The following CACNA1A variants were observed in gnomAD, a reference collection of about 807,000 sequenced individuals.
The protein encoded by CACNA1A is calcium voltage-gated channel subunit alpha1 A.
In CACNA1A, 57 loss-of-function variants were observed where a neutral mutation model predicts 262.4. That is an observed-to-expected ratio of 0.22 (90% CI 0.18 to 0.27). The LOEUF is 0.27. Ranked by LOEUF, CACNA1A falls within the 10% of genes least tolerant of loss-of-function variation. The pLI, the probability that CACNA1A is intolerant of heterozygous loss-of-function variation, is 1.00. For missense variants in CACNA1A, 2,526 were observed against 3,562.8 expected (o/e 0.71, Z 7.41); for synonymous variants, 1,431 against 1,419.3 (o/e 1.01, Z -0.18).
intron 3 of CACNA1A, among the ~76,000 whole-genome samples, chr19:13,372,336 CT>C (rs1222618535): frequency 1.3e-5 from 2 of 151,766 alleles, no homozygotes; most frequent in East Asian, 1.9e-4. Context: ...TGCCCGGGTA[CT>C]TTTTTTTGTA....
Position 13,506,153 on chromosome 19 carries a change from G to A in CACNA1A, c.72C>T (p.Val24=), listed in dbSNP as rs773531250. Residue 24 remains valine, a synonymous_variant, in exon 1 of 47, where the codon GTC becomes GTT. Transcript: ENST00000360228. ...CTCCTCGCCCGCCTCCGCTGCCCAC[G>A]ACCACCCCGGCGGCTGCCCCGGAGC... is the stretch of plus-strand genomic sequence containing the variant. ...GGGSGAAAGV[V]VGSGGGRGAG... is the part of the protein sequence containing the mutation. 2 of 1,562,892 alleles carry A rather than the reference G, an allele frequency of 1.3e-6. No homozygotes were observed. The highest frequency in any genetic ancestry group is 1.7e-6 in the Non-Finnish European group (2 of 1,153,868).
chr19:13,479,010 C>G (rs531397337), intron 1 of CACNA1A, among the ~76,000 whole-genome samples: 3 of 152,090 alleles, frequency 2.0e-5, no homozygotes, highest in Non-Finnish European at 4.4e-5. Context: ...CCCATCTGTA[C>G]TAAAAATACA....
At chr19:13,294,861 G>A (rs537441036) in intron 19 of CACNA1A, among the ~76,000 whole-genome samples, 6 of 152,182 alleles carry the variant, frequency 3.9e-5, no homozygotes, top group African/African-American at 1.2e-4. Flanking sequence ...CTAAACTCCC[G>A]TTTTGATCTC....
At position 13,298,591 on chromosome 19, in the gene CACNA1A, C is replaced by T. The variant is rs868354475; in HGVS notation, c.3042G>A (p.Glu1014=). 6.5e-7 allele frequency: 1 copy of T among 1,541,902 alleles called. No homozygotes were observed. The highest frequency in any genetic ancestry group is 8.8e-7 in the Non-Finnish European group (1 of 1,142,464). Residue 1014 remains glutamate, a synonymous_variant, in exon 19 of 47, where the codon GAG becomes GAA. Coordinates refer to ENST00000360228, the MANE Select transcript of CACNA1A (RefSeq NM_001127222.2). ...RHRHGAPATY[E]GDARREDKER... is the part of the protein sequence containing the mutation. ...CCTTGTCCTCCCTCCGCGCGTCCCCCTCGTACGTGGCTGGAGCGCCATGCC... is the reference window on the plus strand; with the variant it reads ...CCTTGTCCTCCCTCCGCGCGTCCCCTTCGTACGTGGCTGGAGCGCCATGCC...
rs763446754 is a variant in CACNA1A at position 13,245,671 on chromosome 19, CT to C, written c.4867-407del. 3.8e-3 allele frequency: 436 copies of C among 115,854 alleles called. 1 individual carries two copies. The highest frequency in any genetic ancestry group is 8.9e-3 in the African/African-American group (277 of 31,238). 7.2% of individuals were successfully genotyped at this position (115,854 alleles called of 1,614,324 possible). On this transcript the variant is annotated intron_variant, in intron 30 of 46. Coordinates refer to ENST00000360228, the MANE Select transcript of CACNA1A (RefSeq NM_001127222.2). ...ACCCATTTTCTTTTTCTTTCTTTCT[CT>C]TTTTTTTTTTTTTTTTTGAGATGGA... is the stretch of plus-strand genomic sequence containing the variant.
In CACNA1A at chr19:13,207,490, G is replaced by T. The variant is rs770109102; in HGVS notation, c.7344C>A (p.Thr2448=). 2 of 1,425,800 alleles carry T rather than the reference G, an allele frequency of 1.4e-6. No homozygotes were observed. Among genetic ancestry groups the T allele is most frequent in the South Asian group, 1.4e-5 (1 of 72,146 alleles). The allele number at this position is 1,425,800 out of a possible 1,614,324, so 88.3% of individuals were successfully genotyped here. A position where few individuals can be genotyped will look rare whatever the true frequency, so the allele number is the denominator to read the frequency against. Residue 2448 remains threonine, a synonymous_variant, in exon 47 of 47, where the codon ACC becomes ACA. Transcript: ENST00000360228. The surrounding 1 kb of genome is among the most constrained non-coding windows in gnomAD (Gnocchi z 5.7). ...CCCGGGGAGTCCTGGGCGAGCGCCC[G>T]GTGGCGCCCGAGGACGCGTGTCGTA... ...PPVRHASSGA[T]GRSPRTPRAS... is the part of the protein sequence containing the mutation.
At chr19:13,393,448 C>T (rs2059744716) in intron 3 of CACNA1A, among the ~76,000 whole-genome samples, 3 of 152,076 alleles carry the variant, frequency 2.0e-5, no homozygotes, top group African/African-American at 7.2e-5. Flanking sequence ...TTACTGGTGA[C>T]CTCAGAGGCA....
chr19:13,438,657 T>C (rs1447782072), intron 3 of CACNA1A, among the ~76,000 whole-genome samples: 2 of 152,146 alleles, frequency 1.3e-5, no homozygotes, highest in Non-Finnish European at 2.9e-5. Context: ...TGAGACCAGA[T>C]AAAGCACCCA....
intron 19 of CACNA1A, among the ~76,000 whole-genome samples, chr19:13,296,279 T>G (rs183962762): frequency 4.7e-4 from 71 of 152,298 alleles, no homozygotes; most frequent in African/African-American, 1.7e-3. Flanking sequence ...AGTGCTGGCC[T>G]ACCTCATATG....
chr19:13,329,837 T>C (rs952177050), intron 10 of CACNA1A, among the ~76,000 whole-genome samples: 6 of 151,178 alleles, frequency 4.0e-5, no homozygotes, highest in Admixed American at 4.0e-4. Flanking sequence ...TAATGGCTTA[T>C]TGCAGCCTCC....
chr19:13,487,674 T>TA lies in CACNA1A; in HGVS notation c.293+18257dup, dbSNP rs5827194. On this transcript the variant is annotated intron_variant, in intron 1 of 46. Transcript: ENST00000360228. ...AATTTTATCTCAATGTTTTAAAAAT[T>TA]AAAAAAAAAAAAATCCCACACCCAA... 2.8e-3 allele frequency among the ~76,000 whole-genome samples: 413 copies of TA among 148,126 alleles called. 1 individual carries two copies. The highest frequency in any genetic ancestry group is 4.3e-3 in the Non-Finnish European group (289 of 67,016).
intron 1 of CACNA1A, among the ~76,000 whole-genome samples, chr19:13,467,607 C>CTTT (rs57816533): frequency 9.8e-5 from 14 of 142,972 alleles, no homozygotes; most frequent in East Asian, 8.2e-4. Context: ...TTTTTCTTTT[C>CTTT]TTTTTTTTTT....
intron 6 of CACNA1A, among the ~76,000 whole-genome samples, chr19:13,344,956 G>T (rs536419853): frequency 6.6e-6 from 1 of 151,664 alleles, no homozygotes; most frequent in Non-Finnish European, 1.5e-5. Context: ...ATGGGGTTTC[G>T]CCATGTTGGC....
chr19:13,417,688 G>A (rs1028857738), intron 3 of CACNA1A, among the ~76,000 whole-genome samples: 2 of 152,002 alleles, frequency 1.3e-5, no homozygotes, highest in East Asian at 1.9e-4. Context: ...TCAGGAGATC[G>A]AGACCAGCCT....
At chr19:13,472,974 C>T (rs1234987250) in intron 1 of CACNA1A, among the ~76,000 whole-genome samples, 1 of 152,036 alleles carries the variant, frequency 6.6e-6, no homozygotes, top group African/African-American at 2.4e-5. Flanking sequence ...CAGAAGAGGC[C>T]AGGTGCAGTG....
chr19:13,306,975 G>A (rs560160469), intron 15 of CACNA1A, among the ~76,000 whole-genome samples: 5 of 151,796 alleles, frequency 3.3e-5, no homozygotes, highest in African/African-American at 7.2e-5. Context: ...CTTTCTTTTC[G>A]TTTTTGAGAC....
chr19:13,256,132 G>A (rs1207458451), intron 28 of CACNA1A: 1 of 151,666 alleles, frequency 6.6e-6, no homozygotes, highest in Non-Finnish European at 1.5e-5. Context: ...TGGGACTACA[G>A]GCGTGCACCA....
intron 3 of CACNA1A, among the ~76,000 whole-genome samples, chr19:13,406,465 T>TTATATATATATATATA (rs61273249): frequency 6.3e-5 from 2 of 31,544 alleles, no homozygotes; most frequent in Non-Finnish European, 7.5e-5. Flanking sequence ...AAAAAAAAAA[T>TTATATATATATATATA]TATATATATA....
chr19:13,373,493 C>T (rs760004531), intron 3 of CACNA1A, among the ~76,000 whole-genome samples: 6 of 152,162 alleles, frequency 3.9e-5, no homozygotes, highest in South Asian at 2.1e-4. Context: ...GGATCAATAC[C>T]GCAGCTCCCT....
Sources: allele counts gnomAD v4.1 joint callset (sites outside exome capture counted in the v4.1 genomes callset), GRCh38; gene constraint gnomAD v4.1.1; non-coding constraint Gnocchi (gnomAD v3.1); transcripts MANE v1.5; gene names NCBI Gene and HGNC (gene_info 2026-07-23, HGNC 2026-07-21).